PRELID2: variants seen among roughly 807,000 people sequenced by gnomAD.
PRELID2 encodes the protein PRELI domain-containing protein 2.
Under a neutral mutation model 28.4 loss-of-function variants are expected in PRELID2, and 25 were observed. The ratio of observed to expected loss-of-function variants is 0.88; its 90% CI spans 0.64 to 1.23. PRELID2 has a LOEUF of 1.23. Among genes scored for constraint, PRELID2 ranks in the 50% most tolerant of loss-of-function variants. The probability of loss-of-function intolerance (pLI) is 0.00; values close to 1 mark genes in which losing one functional copy is unlikely to be tolerated. For synonymous variants in PRELID2, 76 were observed against 71.6 expected, an observed-to-expected ratio of 1.06 and a Z score of -0.31; for missense variants, 201 against 214.4, an observed-to-expected ratio of 0.94 and a Z score of 0.39.
At chr5:145,515,558 G>A (rs1261475676) in intron 1 of PRELID2, among the ~76,000 whole-genome samples, 5 of 152,112 alleles carry the variant, frequency 3.3e-5, no homozygotes, top group Non-Finnish European at 4.4e-5. Context: ...GATTCTACCC[G>A]AGTTACAAAG....
intron 1 of PRELID2, among the ~76,000 whole-genome samples, chr5:145,717,048 G>T (rs1031562652): frequency 1.3e-5 from 2 of 152,030 alleles, no homozygotes; most frequent in African/African-American, 2.4e-5. Flanking sequence ...AAATAAGTAC[G>T]TGAAACTATA....
chr5:145,647,641 G>C (rs1234914728), intron 1 of PRELID2, among the ~76,000 whole-genome samples: 1 of 152,210 alleles, frequency 6.6e-6, no homozygotes, highest in Non-Finnish European at 1.5e-5. Context: ...GCCCAGTTTT[G>C]TGCTTGAAAC....
rs35401852 is a variant in PRELID2, at chr5:145,604,882, CATATAT to C, written n.71-131573_71-131568del. 1.5e-4 allele frequency among the ~76,000 whole-genome samples: 18 copies of C among 116,148 alleles called. 1 individual carries two copies. Among genetic ancestry groups the C allele is most frequent in the Middle Eastern group, 4.0e-3 (1 of 250 alleles). 76.2% of individuals were successfully genotyped at this position (116,148 alleles called of 152,430 possible). On this transcript the variant is annotated intron_variant and non_coding_transcript_variant, in intron 1 of 2. Transcript: ENST00000510259. ...ACCATATTTTAATATGCTTGTTGGC[CATATAT>C]ATATATATATATATATTCTATTGAA...
intron 1 of PRELID2, among the ~76,000 whole-genome samples, chr5:145,691,486 A>G (rs1304627901): frequency 6.6e-6 from 1 of 152,116 alleles, no homozygotes; most frequent in Non-Finnish European, 1.5e-5. Flanking sequence ...CAGGGGGATC[A>G]CGAGGTCAGG....
At chr5:145,472,710 G>C (rs1363739147) in intron 2 of PRELID2, among the ~76,000 whole-genome samples, 1 of 152,090 alleles carries the variant, frequency 6.6e-6, no homozygotes, top group Non-Finnish European at 1.5e-5. Context: ...AGTTTCCTCA[G>C]TGGTGAAATG....
At chr5:145,403,398 G>GA in the PRELID2 span, among the ~76,000 whole-genome samples, 26 of 151,850 alleles carry the variant, frequency 1.7e-4, no homozygotes, top group Non-Finnish European at 3.4e-4. Context: ...AAAAATTTTA[G>GA]AAAAAAAATT....
At chr5:145,740,588 T>C (rs1312857818) in intron 1 of PRELID2, among the ~76,000 whole-genome samples, 1 of 2,302 alleles carries the variant, frequency 4.3e-4, no homozygotes, top group African/African-American at 1.4e-3. Context: ...ATATTATATA[T>C]ATAAATATAT....
chr5:145,748,366 C>T (rs1757048147), intron 1 of PRELID2, among the ~76,000 whole-genome samples: 1 of 152,102 alleles, frequency 6.6e-6, no homozygotes, highest in South Asian at 2.1e-4. Context: ...AATGAACTCC[C>T]ATTCACAAAT....
chr5:145,788,241 G>T (rs1244331390), intron 5 of PRELID2, among the ~76,000 whole-genome samples: 2 of 152,172 alleles, frequency 1.3e-5, no homozygotes, highest in Non-Finnish European at 2.9e-5. Context: ...TTATCTTTTT[G>T]ATCTGCTTTC....
intron 1 of PRELID2, among the ~76,000 whole-genome samples, chr5:145,610,324 C>T (rs984081351): frequency 3.3e-5 from 5 of 152,116 alleles, no homozygotes; most frequent in Non-Finnish European, 5.9e-5. Flanking sequence ...TTGGATAATC[C>T]GCCTGCAGGG....
chr5:145,422,432 A>C, the PRELID2 span, among the ~76,000 whole-genome samples: 666 of 152,274 alleles, frequency 4.4e-3, 4 homozygotes, highest in African/African-American at 0.015. Context: ...TTGGGTGCAT[A>C]TATTTTTAGG....
intron 1 of PRELID2, among the ~76,000 whole-genome samples, chr5:145,828,832 C>CTTTTTTTTT (rs67543120): frequency 4.4e-5 from 3 of 68,276 alleles, no homozygotes; most frequent in Non-Finnish European, 5.3e-5. Flanking sequence ...TGAAAAAAAT[C>CTTTTTTTTT]TTTTTTTTTT....
intron 1 of PRELID2, among the ~76,000 whole-genome samples, chr5:145,643,671 T>C (rs1429274760): frequency 6.6e-6 from 1 of 152,200 alleles, no homozygotes; most frequent in Admixed American, 6.5e-5. Flanking sequence ...GATCTTATTG[T>C]TTTGAGATAT....
At chr5:145,488,984 G>C (rs1419931400) in intron 1 of PRELID2, among the ~76,000 whole-genome samples, 1 of 152,054 alleles carries the variant, frequency 6.6e-6, no homozygotes, top group African/African-American at 2.4e-5. Flanking sequence ...TGACCCAGGG[G>C]CGACTAGTTT....
At chr5:145,290,232 C>G in the PRELID2 span, among the ~76,000 whole-genome samples, 1 of 152,094 alleles carries the variant, frequency 6.6e-6, no homozygotes, top group Admixed American at 6.6e-5. Context: ...CCATTTGACC[C>G]AGCGATCCCA....
chr5:145,599,983 A>T (rs894591673), intron 1 of PRELID2, among the ~76,000 whole-genome samples: 1 of 152,174 alleles, frequency 6.6e-6, no homozygotes, highest in African/African-American at 2.4e-5. Context: ...ACAAAAACCA[A>T]AGAGAGCACC....
At chr5:145,424,690 G>A in the PRELID2 span, among the ~76,000 whole-genome samples, 5 of 152,108 alleles carry the variant, frequency 3.3e-5, no homozygotes, top group Admixed American at 6.5e-5. Flanking sequence ...CTTCTGTGTC[G>A]CTCACACTGG....
At chr5:145,302,429 T>C in the PRELID2 span, among the ~76,000 whole-genome samples, 1 of 152,104 alleles carries the variant, frequency 6.6e-6, no homozygotes, top group Non-Finnish European at 1.5e-5. Flanking sequence ...TGAGCCACCG[T>C]GACTGGCCAA....
chr5:145,267,267 G>A, the PRELID2 span, among the ~76,000 whole-genome samples: 11 of 152,012 alleles, frequency 7.2e-5, no homozygotes, highest in African/African-American at 2.7e-4. Context: ...TGATTAGATG[G>A]TGCCCACCCA....
Sources: gnomAD v4.1 joint callset for allele counts (sites outside exome capture counted in the v4.1 genomes callset) on GRCh38, gnomAD v4.1.1 for gene constraint, MANE v1.5 for transcripts, NCBI Gene and HGNC (gene_info 2026-07-23, HGNC 2026-07-21) for gene names.